PTPN3: variants seen among roughly 807,000 people sequenced by gnomAD.
PTPN3 encodes protein tyrosine phosphatase non-receptor type 3, also known as tyrosine-protein phosphatase non-receptor type 3.
A neutral mutation model predicts 132.7 loss-of-function variants in PTPN3; 96 were observed. The observed-to-expected ratio is 0.72, with a 90% CI of 0.61 to 0.86. PTPN3 has a LOEUF of 0.86. Ranked by LOEUF, PTPN3 falls within the 40% of genes least tolerant of loss-of-function variation. The pLI, the probability that PTPN3 is intolerant of heterozygous loss-of-function variation, is 0.00. For synonymous variants in PTPN3, 398 were observed against 429.0 expected (o/e 0.93, Z 0.89); for missense variants, 1,125 against 1,159.6 (o/e 0.97, Z 0.43).
chr9:109,423,749 A>G (rs1271356699), intron 12 of PTPN3, among the ~76,000 whole-genome samples: 1 of 152,236 alleles, frequency 6.6e-6, no homozygotes, highest in East Asian at 1.9e-4. Context: ...TTGAGAGAAT[A>G]GAGCATGAAG....
Position 109,459,524 on chromosome 9 carries a change from T to C in PTPN3, c.139-2125A>G, listed in dbSNP as rs142512800. Among the ~76,000 whole-genome samples, 1,002 of 152,328 alleles carry C rather than the reference T, an allele frequency of 6.6e-3. 5 individuals are homozygous for C. Among genetic ancestry groups the C allele is most frequent in the Middle Eastern group, 0.031 (9 of 294 alleles). On this transcript the variant is annotated intron_variant, in intron 2 of 25. Coordinates refer to ENST00000374541, the MANE Select transcript of PTPN3 (RefSeq NM_002829.4). ...AATGACGTTCATAACTAAGAATTTC[T>C]GGGTGCTCACTGTTTGCCAGGCTCT...
Position 109,381,684 on chromosome 9 carries a change from G to C in PTPN3, c.2632C>G (p.Arg878Gly). The part of the protein sequence containing the change: ...IYPLDIVRKM[R>G]DQRAMMVQTS... ...TGCACCATCATGGCGCGCTGGTCTC[G>C]CATTTTTCGGACAATATCCAGTGGG... The change falls in exon 25 of 26, where the codon CGA becomes GGA. Residue 878 changes from arginine to glycine, a missense_variant. Coordinates refer to ENST00000374541, the MANE Select transcript of PTPN3 (RefSeq NM_002829.4). The C allele has an allele frequency of 1.2e-6, 2 of 1,614,182 alleles. No homozygotes were observed. The highest frequency in any genetic ancestry group is 1.7e-6 in the Non-Finnish European group (2 of 1,180,006).
intron 1 of PTPN3, among the ~76,000 whole-genome samples, chr9:109,494,482 C>A (rs1847595937): frequency 6.6e-6 from 1 of 152,146 alleles, no homozygotes; most frequent in African/African-American, 2.4e-5. Context: ...AATCACCACG[C>A]CTATGATCCA....
intron 1 of PTPN3, among the ~76,000 whole-genome samples, chr9:109,496,344 TTCACA>T (rs1377565486): frequency 6.6e-6 from 1 of 152,228 alleles, no homozygotes; most frequent in African/African-American, 2.4e-5. Flanking sequence ...TCCAATATAC[TTCACA>T]TCTTGATTTA....
In PTPN3 at chr9:109,427,049, C is replaced by G. The variant is rs147767465; in HGVS notation, c.902G>C (p.Cys301Ser). 7.4e-5 allele frequency: 120 copies of G among 1,613,824 alleles called. No homozygotes were observed. The highest frequency in any genetic ancestry group is 9.7e-5 in the Non-Finnish European group (115 of 1,179,842). ...CTGAAAGAACGTATGGTGCTCAACA[C>G]AGGATTTCCACAAGTTTTTGCAAGA... is the stretch of plus-strand genomic sequence containing the variant. Reference protein sequence around the residue: ...YRSCKNLWKSCVEHHTFFQAK... With the variant: ...YRSCKNLWKSSVEHHTFFQAK... The change falls in exon 12 of 26, where the codon TGT becomes TCT. Residue 301 changes from cysteine to serine, a missense_variant. Cys to Ser is a moderately radical substitution (Grantham distance 112). Transcript: ENST00000374541.
At chr9:109,403,804 C>A (rs1335694242) in intron 19 of PTPN3, among the ~76,000 whole-genome samples, 2 of 152,152 alleles carry the variant, frequency 1.3e-5, no homozygotes, top group Non-Finnish European at 2.9e-5. Flanking sequence ...TCCTTTGGTT[C>A]CCTTTTGTTT....
At chr9:109,511,414 C>A in the PTPN3 span, 1 of 153,238 alleles carries the variant, frequency 6.5e-6, no homozygotes, top group South Asian at 2.1e-4. Flanking sequence ...TGTCTACACT[C>A]CTGTGAATTC....
At chr9:109,534,788 G>C in the PTPN3 span, among the ~76,000 whole-genome samples, 1 of 150,396 alleles carries the variant, frequency 6.6e-6, no homozygotes, top group African/African-American at 2.5e-5. Flanking sequence ...GAAGACAAGA[G>C]CGAGACTCCG....
At position 109,399,455 on chromosome 9, in the gene PTPN3, A is replaced by G. The variant is rs74573675; in HGVS notation, c.1953+4993T>C. ...AAGGGTGATCCTCATCATGCTGGCC[A>G]TATCGATTTCACAGTACTGTTGTGA... is the stretch of plus-strand genomic sequence containing the variant. On this transcript the variant is annotated intron_variant, in intron 19 of 25. Coordinates refer to ENST00000374541, the MANE Select transcript of PTPN3 (RefSeq NM_002829.4). Among the ~76,000 whole-genome samples the G allele has an allele frequency of 2.8e-3, 431 of 152,284 alleles. 3 individuals carry two copies. The highest frequency in any genetic ancestry group is 9.6e-3 in the African/African-American group (401 of 41,566).
the PTPN3 span, chr9:109,534,372 C>T: frequency 1.8e-5 from 26 of 1,477,684 alleles, no homozygotes; most frequent in Non-Finnish European, 2.3e-5. Context: ...GCGGCAGCTG[C>T]GGCTCCTCCC....
At chr9:109,496,929 G>A (rs964639059) in intron 1 of PTPN3, among the ~76,000 whole-genome samples, 1 of 152,150 alleles carries the variant, frequency 6.6e-6, no homozygotes, top group African/African-American at 2.4e-5. Flanking sequence ...TTGGATTTGG[G>A]AGCTTTTTAA....
At chr9:109,393,874 A>T (rs1223761371) in intron 19 of PTPN3, among the ~76,000 whole-genome samples, 2 of 152,152 alleles carry the variant, frequency 1.3e-5, no homozygotes, top group African/African-American at 4.8e-5. Flanking sequence ...ATTACACAGA[A>T]CTCCCCAGAA....
At position 109,422,815 on chromosome 9, in the gene PTPN3, C is replaced by T. The variant is rs142980957; in HGVS notation, c.1039G>A (p.Gly347Arg). The stretch of plus-strand genomic sequence containing the variant: ...CGCATGGCTGGGTTCCACACCATCC[C>T]GCCAATCACCTTTTTGCAATATTGG... ...NNQYCKKVIG[G>R]MVWNPAMRRS... is the part of the protein sequence containing the mutation. The change falls in exon 13 of 26, where the codon GGG becomes AGG. Residue 347 changes from glycine (G) to arginine (R), a missense_variant. Physicochemically the swap from Gly to Arg is moderately radical, Grantham distance 125 (BLOSUM62 -2). Transcript: ENST00000374541. 8.5e-5 allele frequency: 137 copies of T among 1,613,110 alleles called. 1 individual carries two copies. The South Asian group carries it at 1.1e-3, about 13-fold the overall frequency.
intron 10 of PTPN3, chr9:109,429,000 A>C (rs1843478622): frequency 2.0e-6 from 2 of 985,344 alleles, no homozygotes; most frequent in African/African-American, 1.7e-5. Flanking sequence ...GCTGGTATAT[A>C]CATGGGGAAG....
chr9:109,518,411 G>T, the PTPN3 span, among the ~76,000 whole-genome samples: 1 of 152,182 alleles, frequency 6.6e-6, no homozygotes, highest in Admixed American at 6.5e-5. Flanking sequence ...GGCTGAGATT[G>T]TCATGCCTAG....
chr9:109,436,011 C>T (rs1450531247), intron 9 of PTPN3, among the ~76,000 whole-genome samples: 3 of 152,166 alleles, frequency 2.0e-5, no homozygotes, highest in African/African-American at 4.8e-5. Flanking sequence ...CTATGAGCCT[C>T]GGTTTTCTCA....
At chr9:109,411,469 GTC>G (rs1842074048) in intron 14 of PTPN3, among the ~76,000 whole-genome samples, 1 of 152,124 alleles carries the variant, frequency 6.6e-6, no homozygotes, top group African/African-American at 2.4e-5. Flanking sequence ...GGACCCTTGA[GTC>G]TCTGCATCAC....
chr9:109,529,274 A>C, the PTPN3 span, among the ~76,000 whole-genome samples: 8 of 152,344 alleles, frequency 5.3e-5, no homozygotes, highest in South Asian at 1.7e-3. Context: ...CTGCATCAGC[A>C]CCATCAGGGA....
chr9:109,534,140 T>C, the PTPN3 span: 2 of 810,548 alleles, frequency 2.5e-6, no homozygotes, highest in Admixed American at 3.4e-5. Flanking sequence ...TTGAACCATT[T>C]TACTGTTCCC....
Sources: gnomAD v4.1 joint callset for allele counts (sites outside exome capture counted in the v4.1 genomes callset) on GRCh38, gnomAD v4.1.1 for gene constraint, MANE v1.5 for transcripts, NCBI Gene and HGNC (gene_info 2026-07-23, HGNC 2026-07-21) for gene names.